Variants in IL13RA1 observed in about 807,000 individuals in gnomAD.
IL13RA1 encodes interleukin-13 receptor subunit alpha-1.
In IL13RA1, 14 loss-of-function variants were observed where a neutral mutation model predicts 33.8. That is an observed-to-expected ratio of 0.41 (90% CI 0.27 to 0.65). IL13RA1 has a LOEUF of 0.65. IL13RA1 is among the 30% of genes least tolerant of loss of function. IL13RA1 has a pLI of 0.28. For missense variants in IL13RA1, 313 were observed against 327.0 expected (o/e 0.96, Z 0.33); for synonymous variants, 116 against 115.7 (o/e 1.00, Z -0.02).
chrX:118,768,026 T>C (rs1210049730), intron 8 of IL13RA1, among the ~76,000 whole-genome samples: 3 of 111,847 alleles, frequency 2.7e-5, no homozygotes, highest in Non-Finnish European at 5.6e-5. Context: ...GAACAATTGG[T>C]AAAGTAACTT....
rs368621302 is a variant in IL13RA1, at chrX:118,766,654, G to T, written c.876+77G>T. On this transcript the variant is annotated intron_variant, in intron 7 of 10. Coordinates refer to ENST00000371666, the MANE Select transcript of IL13RA1 (RefSeq NM_001560.3). Reference sequence around the variant, plus strand: ...GTGGAGCATAGCCTAAATATGAGCTGCTTTGAGAAAAACAAATTACGTTGT... The same window carrying T: ...GTGGAGCATAGCCTAAATATGAGCTTCTTTGAGAAAAACAAATTACGTTGT... The T allele has an allele frequency of 2.1e-4, 137 of 639,412 alleles. 2 individuals carry two copies. The East Asian group carries it at 2.6e-3, about 12-fold the overall frequency. The allele number at this position is 639,412 out of a possible 1,213,427, so 52.7% of individuals were successfully genotyped here.
chrX:118,740,466 C>A (rs993639336), intron 1 of IL13RA1, among the ~76,000 whole-genome samples: 1 of 112,366 alleles, frequency 8.9e-6, no homozygotes, highest in African/African-American at 3.2e-5. Context: ...ATTACTTCAC[C>A]TGCTTGTTGC....
chrX:118,729,490 A>C (rs760114302), intron 1 of IL13RA1, among the ~76,000 whole-genome samples: 2 of 111,671 alleles, frequency 1.8e-5, no homozygotes, highest in East Asian at 5.6e-4. Context: ...TTTGTGCTGC[A>C]GTTAGTTTTC....
At chrX:118,765,207 C>T (rs1444019328) in intron 6 of IL13RA1, among the ~76,000 whole-genome samples, 1 of 111,427 alleles carries the variant, frequency 9.0e-6, no homozygotes, top group African/African-American at 3.3e-5. Flanking sequence ...AAGCGATTCT[C>T]CTGTCTTAGC....
chrX:118,728,549 C>T (rs1377221408), intron 1 of IL13RA1, among the ~76,000 whole-genome samples: 1 of 112,159 alleles, frequency 8.9e-6, no homozygotes, highest in East Asian at 2.8e-4. Context: ...GGAGCAGCTC[C>T]TGGAAGGAAT....
intron 8 of IL13RA1, among the ~76,000 whole-genome samples, chrX:118,771,437 G>A (rs932148069): frequency 8.9e-6 from 1 of 112,491 alleles, no homozygotes; most frequent in Non-Finnish European, 1.9e-5. Context: ...TTCTGACACA[G>A]TAATGCTGGG....
chrX:118,764,304 G>A (rs185206773), intron 6 of IL13RA1, among the ~76,000 whole-genome samples: 9 of 107,663 alleles, frequency 8.4e-5, no homozygotes, highest in Admixed American at 3.0e-4. Context: ...GCCTAGAGAC[G>A]TAAATCTACA....
downstream of IL13RA1, among the ~76,000 whole-genome samples, chrX:118,798,862 A>C: frequency 8.9e-6 from 1 of 112,498 alleles, no homozygotes; most frequent in Non-Finnish European, 1.9e-5. Flanking sequence ...GCGGCACTTG[A>C]GGAGCCCTTC....
downstream of IL13RA1, among the ~76,000 whole-genome samples, chrX:118,799,266 G>A (rs1014248379): frequency 3.5e-5 from 4 of 112,939 alleles, no homozygotes; most frequent in Non-Finnish European, 5.6e-5. Context: ...TGTGCGGCCC[G>A]AGCCTCCCGG....
chrX:118,801,530 T>C, the IL13RA1 span, among the ~76,000 whole-genome samples: 4 of 112,507 alleles, frequency 3.6e-5, no homozygotes, highest in Admixed American at 2.8e-4. Context: ...AATTTTCGTA[T>C]CTTTTTTCTC....
intron 8 of IL13RA1, chrX:118,770,953 CCT>C: frequency 8.4e-6 from 2 of 237,240 alleles, no homozygotes; most frequent in South Asian, 9.3e-5. Context: ...CCTATTCCAA[CCT>C]CTCCTCACTT....
chrX:118,797,019 G>A (rs2018036134), downstream of IL13RA1, among the ~76,000 whole-genome samples: 1 of 112,012 alleles, frequency 8.9e-6, no homozygotes, highest in Admixed American at 9.4e-5. Flanking sequence ...AATGAATGTG[G>A]GCAGATAACT....
Position 118,791,944 on chromosome X carries a change from T to G in IL13RA1, c.*90T>G. Reference sequence around the variant, plus strand: ...ATCTGGGAACTTATTAAATGGAAACTGAAACTACTGCACCATTTAAAAACA... The same window carrying G: ...ATCTGGGAACTTATTAAATGGAAACGGAAACTACTGCACCATTTAAAAACA... On this transcript the variant is annotated 3_prime_UTR_variant, in exon 11 of 11. Transcript: ENST00000371666. The G allele has an allele frequency of 2.1e-6, 1 of 484,715 alleles. No homozygotes were observed. Among genetic ancestry groups the G allele is most frequent in the South Asian group, 3.4e-5 (1 of 29,495 alleles). 39.9% of individuals were successfully genotyped at this position (484,715 alleles called of 1,213,427 possible). A position where few individuals can be genotyped will look rare whatever the true frequency, so the allele number is the denominator to read the frequency against.
At chrX:118,770,234 A>G (rs1319170744) in intron 8 of IL13RA1, 4 of 308,141 alleles carry the variant, frequency 1.3e-5, no homozygotes, top group Admixed American at 9.9e-5. Flanking sequence ...GAGTGCACCC[A>G]CTGCGCCGCC....
At chrX:118,741,882 A>G (rs1047411704) in intron 2 of IL13RA1, among the ~76,000 whole-genome samples, 1 of 111,091 alleles carries the variant, frequency 9.0e-6, no homozygotes, top group Non-Finnish European at 1.9e-5. Flanking sequence ...ATGAGAAGTT[A>G]TTAGCAACAG....
At chrX:118,747,130 A>G (rs2017414467) in intron 3 of IL13RA1, 38 bp downstream of exon 3, 6 of 859,914 alleles carry the variant, frequency 7.0e-6, no homozygotes, top group Non-Finnish European at 1.0e-5. Context: ...TGTTTAGAGA[A>G]TAAATCTGAA....
intron 10 of IL13RA1, among the ~76,000 whole-genome samples, chrX:118,788,964 T>C (rs1324001761): frequency 8.9e-6 from 1 of 112,263 alleles, no homozygotes; most frequent in African/African-American, 3.2e-5. Context: ...TTGCAACATT[T>C]GGAATTTCAG....
At chrX:118,740,450 G>A (rs1177599078) in intron 1 of IL13RA1, among the ~76,000 whole-genome samples, 4 of 112,401 alleles carry the variant, frequency 3.6e-5, no homozygotes, top group Non-Finnish European at 5.6e-5. Context: ...ATGGGATATG[G>A]AACAAATTAC....
At chrX:118,800,189 A>T in the IL13RA1 span, among the ~76,000 whole-genome samples, 1 of 111,361 alleles carries the variant, frequency 9.0e-6, no homozygotes, top group Non-Finnish European at 1.9e-5. Context: ...AAAACAGGCC[A>T]CTGGGCTCTA....
Sources: allele counts gnomAD v4.1 joint callset (sites outside exome capture counted in the v4.1 genomes callset), GRCh38; gene constraint gnomAD v4.1.1; transcripts MANE v1.5; gene names NCBI Gene and HGNC (gene_info 2026-07-23, HGNC 2026-07-21).